MLLT1: variants seen among roughly 807,000 people sequenced by gnomAD.
MLLT1 encodes MLLT1 super elongation complex subunit.
Under a neutral mutation model 55.1 loss-of-function variants are expected in MLLT1, and 11 were observed. That is an observed-to-expected ratio of 0.20 (90% CI 0.13 to 0.33). The LOEUF is 0.33. Ranked by LOEUF, MLLT1 falls within the 10% of genes least tolerant of loss-of-function variation. MLLT1 has a pLI of 1.00. For synonymous variants in MLLT1, 323 were observed against 320.1 expected (o/e 1.01, Z -0.10); for missense variants, 536 against 760.6 (o/e 0.70, Z 3.47).
At chr19:6,221,156 A>G (rs1270681457) in intron 6 of MLLT1, among the ~76,000 whole-genome samples, 3 of 152,220 alleles carry the variant, frequency 2.0e-5, no homozygotes, top group African/African-American at 7.2e-5. Context: ...TCAAAGCCTC[A>G]GCAACCCAGA....
rs566743895 is a variant in MLLT1, at chr19:6,211,988, C to G, written c.*1054G>C. ...GGGCCTGCTGATGGCCGAGCCCACG[C>G]TCGAGGGGCTGACCAGAGTTCAATG... On this transcript the variant is annotated 3_prime_UTR_variant, in exon 12 of 12. Coordinates refer to ENST00000252674, the MANE Select transcript of MLLT1 (RefSeq NM_005934.4). This position sits in a 1 kb window ranked among gnomAD's most constrained non-coding sequence, Gnocchi z 4.6. The G allele has an allele frequency of 2.5e-4, 268 of 1,065,636 alleles. 2 individuals are homozygous for G. Among genetic ancestry groups the G allele is most frequent in the South Asian group, 1.7e-3 (37 of 21,990 alleles). 66.0% of individuals were successfully genotyped at this position (1,065,636 alleles called of 1,614,324 possible). A position where few individuals can be genotyped will look rare whatever the true frequency, so the allele number is the denominator to read the frequency against.
Position 6,226,224 on chromosome 19 carries a change from C to A in MLLT1, c.546+753G>T, listed in dbSNP as rs1199312572. Among the ~76,000 whole-genome samples, 3 of 152,206 alleles carry A rather than the reference C, an allele frequency of 2.0e-5. No individual in the cohort carries two copies. Among genetic ancestry groups the A allele is most frequent in the Non-Finnish European group, 4.4e-5 (3 of 68,040 alleles). The stretch of plus-strand genomic sequence containing the variant: ...TGGAGAGATGTGTGGGTGGCAGGCA[C>A]CGGGCAGCTGCCCCGAGGGCCCGTG... On this transcript the variant is annotated intron_variant, in intron 5 of 11. Transcript: ENST00000252674. The surrounding 1 kb of genome is among the most constrained non-coding windows in gnomAD (Gnocchi z 6.3).
Position 6,211,551 on chromosome 19 carries a change from GGGA to G in MLLT1, c.*1488_*1490del, listed in dbSNP as rs2090771798. The G allele has an allele frequency of 1.9e-6, 2 of 1,026,614 alleles. No individual in the cohort carries two copies. Among genetic ancestry groups the G allele is most frequent in the Non-Finnish European group, 2.4e-6 (2 of 843,600 alleles). 63.6% of individuals were successfully genotyped at this position (1,026,614 alleles called of 1,614,324 possible). ...CCCCCAAGTCTGAACTCATAGGCTG[GGGA>G]GGAGGAGACATCTAGGTGGGTTCGA... is the stretch of plus-strand genomic sequence containing the variant. On this transcript the variant is annotated 3_prime_UTR_variant, in exon 12 of 12. Transcript: ENST00000252674. The surrounding 1 kb of genome is among the most constrained non-coding windows in gnomAD (Gnocchi z 4.6).
chr19:6,229,464 C>G lies in MLLT1; in HGVS notation c.420+1106G>C, dbSNP rs2090985561. On this transcript the variant is annotated intron_variant, in intron 4 of 11. Coordinates refer to ENST00000252674, the MANE Select transcript of MLLT1 (RefSeq NM_005934.4). This position sits in a 1 kb window ranked among gnomAD's most constrained non-coding sequence, Gnocchi z 5.2. ...AGCCTGACACCCACAGCCACGGTGC[C>G]CCAAATCCACTCAGGAGGCGACCCA... 6.6e-6 allele frequency among the ~76,000 whole-genome samples: 1 copy of G among 152,022 alleles called. No individual in the cohort carries two copies. Among genetic ancestry groups the G allele is most frequent in the African/African-American group, 2.4e-5 (1 of 41,346 alleles).
chr19:6,228,680 C>T (rs977477227), intron 4 of MLLT1, among the ~76,000 whole-genome samples: 5 of 152,196 alleles, frequency 3.3e-5, no homozygotes, highest in Admixed American at 1.3e-4. Context: ...GCTGGGGTCA[C>T]CTGCTGCTAG....
intron 3 of MLLT1, among the ~76,000 whole-genome samples, chr19:6,258,231 T>C (rs111911306): frequency 3.9e-5 from 6 of 151,950 alleles, no homozygotes; most frequent in South Asian, 4.2e-4. Context: ...AGCAAATGGG[T>C]AGAAACAGCC....
At chr19:6,218,458 C>T (rs1201654065) in intron 6 of MLLT1, among the ~76,000 whole-genome samples, 1 of 152,258 alleles carries the variant, frequency 6.6e-6, no homozygotes, top group African/African-American at 2.4e-5. Flanking sequence ...AACAGGAAAG[C>T]TGGGTGTGGA....
At chr19:6,271,577 G>T (rs1301890962) in intron 1 of MLLT1, among the ~76,000 whole-genome samples, 1 of 152,192 alleles carries the variant, frequency 6.6e-6, no homozygotes, top group Admixed American at 6.5e-5. Context: ...ACACAAAGTT[G>T]CATGCCTTCA....
chr19:6,212,257 C>T lies in MLLT1; in HGVS notation c.*785G>A, dbSNP rs1278160880. ...GCCCTTTGTAGTGTTGGCTGACCCC[C>T]CCGGGAGCCCCGGTAGGAGGCGGCG... On this transcript the variant is annotated 3_prime_UTR_variant, in exon 12 of 12. Coordinates refer to ENST00000252674, the MANE Select transcript of MLLT1 (RefSeq NM_005934.4). 1.2e-5 allele frequency: 13 copies of T among 1,065,070 alleles called. No individual in the cohort carries two copies. Among genetic ancestry groups the T allele is most frequent in the East Asian group, 1.0e-4 (2 of 20,094 alleles). 66.0% of individuals were successfully genotyped at this position (1,065,070 alleles called of 1,614,324 possible).
At chr19:6,264,205 C>T (rs904492911) in intron 2 of MLLT1, among the ~76,000 whole-genome samples, 2 of 152,086 alleles carry the variant, frequency 1.3e-5, no homozygotes, top group African/African-American at 4.8e-5. Context: ...CCTGGGATCC[C>T]TCCCTCCTGC....
intron 2 of MLLT1, among the ~76,000 whole-genome samples, chr19:6,263,641 A>G (rs1435385528): frequency 6.6e-6 from 1 of 152,208 alleles, no homozygotes; most frequent in East Asian, 1.9e-4. Context: ...GAACAGGGAG[A>G]CGCACCGGCC....
At chr19:6,265,718 T>G (rs138618185) in intron 2 of MLLT1, among the ~76,000 whole-genome samples, 2 of 151,602 alleles carry the variant, frequency 1.3e-5, no homozygotes, top group Non-Finnish European at 2.9e-5. Context: ...CAATGGCTCA[T>G]GCCTGTAATC....
intron 3 of MLLT1, among the ~76,000 whole-genome samples, chr19:6,244,602 C>T (rs189129006): frequency 1.3e-4 from 20 of 152,182 alleles, no homozygotes; most frequent in Non-Finnish European, 2.6e-4. Flanking sequence ...AAAACGTTTG[C>T]TAGACAAAAA....
At chr19:6,261,671 A>T (rs2091307059) in intron 3 of MLLT1, among the ~76,000 whole-genome samples, 1 of 151,696 alleles carries the variant, frequency 6.6e-6, no homozygotes, top group Non-Finnish European at 1.5e-5. Context: ...GAAAAACTAC[A>T]GATGAAAGAA....
At chr19:6,250,408 C>T (rs552398405) in intron 3 of MLLT1, among the ~76,000 whole-genome samples, 7 of 152,332 alleles carry the variant, frequency 4.6e-5, no homozygotes, top group African/African-American at 1.4e-4. Flanking sequence ...CCAGCAATTC[C>T]ACTCTAAGGT....
At position 6,227,639 on chromosome 19, in the gene MLLT1, C is replaced by T. The variant is rs936780709; in HGVS notation, c.421-537G>A. 6.6e-6 allele frequency among the ~76,000 whole-genome samples: 1 copy of T among 152,162 alleles called. No homozygotes were observed. Among genetic ancestry groups the T allele is most frequent in the Non-Finnish European group, 1.5e-5 (1 of 68,020 alleles). ...AGGGCAAGAGCACCCAGGCTGAGGCCGAGACCAAGGCAGACGACCTGTGCC... is the reference window on the plus strand; with the variant it reads ...AGGGCAAGAGCACCCAGGCTGAGGCTGAGACCAAGGCAGACGACCTGTGCC... On this transcript the variant is annotated intron_variant, in intron 4 of 11. Transcript: ENST00000252674. This position sits in a 1 kb window ranked among gnomAD's most constrained non-coding sequence, Gnocchi z 5.1.
intron 3 of MLLT1, among the ~76,000 whole-genome samples, chr19:6,239,185 G>A (rs2091091638): frequency 6.6e-6 from 1 of 152,240 alleles, no homozygotes; most frequent in South Asian, 2.1e-4. Flanking sequence ...CCGGTCCACG[G>A]CATACTGGAA....
In MLLT1 at chr19:6,222,770, T is replaced by TAC; in HGVS notation, c.547-88_547-87dup. ...GCCCTGCTCCGCCACCCCTGACCCC[T>TAC]ACAAAGCATAATCCACCTGATTCAG... On this transcript the variant is annotated intron_variant, in intron 5 of 11. Coordinates refer to ENST00000252674, the MANE Select transcript of MLLT1 (RefSeq NM_005934.4). This position sits in a 1 kb window ranked among gnomAD's most constrained non-coding sequence, Gnocchi z 4.1. The TAC allele has an allele frequency of 8.9e-7, 1 of 1,125,726 alleles. No individual in the cohort carries two copies. Among genetic ancestry groups the TAC allele is most frequent in the Non-Finnish European group, 1.2e-6 (1 of 824,106 alleles). The allele number at this position is 1,125,726 out of a possible 1,614,324, so 69.7% of individuals were successfully genotyped here.
At chr19:6,251,779 A>AG (rs2144919511) in intron 3 of MLLT1, among the ~76,000 whole-genome samples, 1 of 152,066 alleles carries the variant, frequency 6.6e-6, no homozygotes, top group Admixed American at 6.5e-5. Flanking sequence ...CAAAAAAAAA[A>AG]AAAGAAAGAA....
Sources: gnomAD v4.1 joint callset for allele counts (sites outside exome capture counted in the v4.1 genomes callset) on GRCh38, gnomAD v4.1.1 for gene constraint, Gnocchi (gnomAD v3.1) non-coding constraint, MANE v1.5 for transcripts, NCBI Gene and HGNC (gene_info 2026-07-23, HGNC 2026-07-21) for gene names.